The following SESTD1 variants were observed in gnomAD, a reference collection of about 807,000 sequenced individuals.
SESTD1 encodes the protein SEC14 domain and spectrin repeat-containing protein 1.
A neutral mutation model predicts 101.7 loss-of-function variants in SESTD1; 43 were observed. The observed-to-expected ratio is 0.42, with a 90% CI of 0.33 to 0.55. The LOEUF is 0.55. SESTD1 is among the 20% of genes least tolerant of loss of function. The pLI is 0.07. For missense variants in SESTD1, 647 were observed against 815.1 expected (o/e 0.79, Z 2.51); for synonymous variants, 283 against 286.8 (o/e 0.99, Z 0.13).
At chr2:179,182,551 G>A (rs1376547114) in intron 3 of SESTD1, among the ~76,000 whole-genome samples, 1 of 152,008 alleles carries the variant, frequency 6.6e-6, no homozygotes, top group Non-Finnish European at 1.5e-5. Flanking sequence ...TTGAAGTCAT[G>A]GGTAGACTAG....
chr2:179,167,758 A>C (rs1209514972), intron 5 of SESTD1, among the ~76,000 whole-genome samples: 2 of 151,972 alleles, frequency 1.3e-5, no homozygotes, highest in Non-Finnish European at 2.9e-5. Flanking sequence ...ATTTTATTTA[A>C]TTTTTACTTT....
At chr2:179,143,880 G>C in intron 8 of SESTD1, 77 bp from the exon 9 acceptor site, 3 of 1,478,198 alleles carry the variant, frequency 2.0e-6, no homozygotes, top group Non-Finnish European at 2.7e-6. Flanking sequence ...CCCAATTCTA[G>C]TCCCTTGTTT....
chr2:179,155,379 A>C (rs1379158782), intron 5 of SESTD1, among the ~76,000 whole-genome samples: 2 of 152,220 alleles, frequency 1.3e-5, no homozygotes, highest in Non-Finnish European at 2.9e-5. Flanking sequence ...ATATACATTT[A>C]TTCTATGAGT....
At chr2:179,114,094 T>C (rs2044574258) in intron 16 of SESTD1, among the ~76,000 whole-genome samples, 1 of 152,212 alleles carries the variant, frequency 6.6e-6, no homozygotes, top group African/African-American at 2.4e-5. Context: ...GTTAATAGTA[T>C]ACTTCATAAT....
At chr2:179,142,467 C>T (rs755677814) in intron 9 of SESTD1, among the ~76,000 whole-genome samples, 19 of 152,050 alleles carry the variant, frequency 1.2e-4, no homozygotes, top group Non-Finnish European at 2.5e-4. Context: ...ACAGTTCAAG[C>T]GAGGCTCAGG....
intron 12 of SESTD1, among the ~76,000 whole-genome samples, chr2:179,122,455 T>A (rs1575425370): frequency 6.6e-6 from 1 of 152,200 alleles, no homozygotes; most frequent in African/African-American, 2.4e-5. Context: ...TTAGGGTATA[T>A]TTACAATTCT....
At chr2:179,120,334 G>A (rs1050801298) in intron 13 of SESTD1, among the ~76,000 whole-genome samples, 3 of 152,274 alleles carry the variant, frequency 2.0e-5, no homozygotes, top group Admixed American at 2.0e-4. Context: ...GGGGCATCCC[G>A]CAGGCGACAC....
At chr2:179,242,506 A>G (rs1574062044) in intron 1 of SESTD1, among the ~76,000 whole-genome samples, 1 of 152,200 alleles carries the variant, frequency 6.6e-6, no homozygotes, top group Non-Finnish European at 1.5e-5. Context: ...CAAGTACCCA[A>G]AGCAATTCTA....
rs1336805439 is a variant in SESTD1 at position 179,109,145 on chromosome 2, CTTA to C, written c.*751_*753del. On this transcript the variant is annotated 3_prime_UTR_variant, in exon 18 of 18. Coordinates refer to ENST00000428443, the MANE Select transcript of SESTD1 (RefSeq NM_178123.5). Reference sequence around the variant, plus strand: ...CAATAATTTTTCATGATAAAACATGCTTATTTATTATATACACATGCTTACATA... The same window carrying C: ...CAATAATTTTTCATGATAAAACATGCTTTATTATATACACATGCTTACATA... The C allele has an allele frequency of 6.6e-6, 1 of 152,156 alleles. No individual in the cohort carries two copies. The highest frequency in any genetic ancestry group is 2.4e-5 in the African/African-American group (1 of 41,306). The allele number at this position is 152,156 out of a possible 1,614,324, so 9.4% of individuals were successfully genotyped here. A position where few individuals can be genotyped will look rare whatever the true frequency, so the allele number is the denominator to read the frequency against.
intron 2 of SESTD1, among the ~76,000 whole-genome samples, chr2:179,186,974 A>C (rs2046242357): frequency 6.6e-6 from 1 of 152,164 alleles, no homozygotes; most frequent in African/African-American, 2.4e-5. Flanking sequence ...TATTTTCAGC[A>C]TTCTTAAAGA....
intron 9 of SESTD1, among the ~76,000 whole-genome samples, chr2:179,139,502 C>G (rs1372827071): frequency 6.6e-6 from 1 of 152,192 alleles, no homozygotes; most frequent in Admixed American, 6.5e-5. Context: ...CACCTGCTTC[C>G]TCATAGTTGT....
Position 179,107,560 on chromosome 2 carries a change from ATT to A in SESTD1, c.*2337_*2338del, listed in dbSNP as rs1482468810. ...AGATATTGAGTATTGATATTTAGTT[ATT>A]GAGTATAACTAAATATCTAAAGTAG... On this transcript the variant is annotated 3_prime_UTR_variant, in exon 18 of 18. Coordinates refer to ENST00000428443, the MANE Select transcript of SESTD1 (RefSeq NM_178123.5). The A allele has an allele frequency of 2.0e-5, 3 of 152,296 alleles. No homozygotes were observed. Among genetic ancestry groups the A allele is most frequent in the African/African-American group, 7.2e-5 (3 of 41,588 alleles). The allele number at this position is 152,296 out of a possible 1,614,324, so 9.4% of individuals were successfully genotyped here. A position where few individuals can be genotyped will look rare whatever the true frequency, so the allele number is the denominator to read the frequency against.
At chr2:179,129,145 G>A (rs1220872008) in intron 10 of SESTD1, among the ~76,000 whole-genome samples, 1 of 152,194 alleles carries the variant, frequency 6.6e-6, no homozygotes, top group Non-Finnish European at 1.5e-5. Context: ...AGGTAGACCT[G>A]TTCTGCATAA....
At chr2:179,201,956 TAAAG>T (rs1431992757) in intron 1 of SESTD1, among the ~76,000 whole-genome samples, 2 of 110,462 alleles carry the variant, frequency 1.8e-5, no homozygotes, top group Admixed American at 1.9e-4. Context: ...ATAATAATAA[TAAAG>T]AAAGAGGAAT....
Position 179,171,161 on chromosome 2 carries a change from T to G in SESTD1, c.369+959A>C, listed in dbSNP as rs2105473534. The stretch of plus-strand genomic sequence containing the variant: ...GATTTCTTGATTGTGGTTTTATATG[T>G]TTTGTCAGAACTCTCAGAACTACAC... On this transcript the variant is annotated intron_variant, in intron 5 of 17. Transcript: ENST00000428443. 2.6e-5 allele frequency among the ~76,000 whole-genome samples: 4 copies of G among 152,260 alleles called. No homozygotes were observed. In the Middle Eastern group the frequency reaches 0.014, roughly 518 times the overall value.
chr2:179,136,698 A>G (rs2045153689), intron 9 of SESTD1, among the ~76,000 whole-genome samples: 1 of 152,210 alleles, frequency 6.6e-6, no homozygotes, highest in African/African-American at 2.4e-5. Flanking sequence ...AACTTAAGAC[A>G]TCATTAAACA....
chr2:179,229,308 G>C (rs2046939807), intron 1 of SESTD1, among the ~76,000 whole-genome samples: 1 of 152,048 alleles, frequency 6.6e-6, no homozygotes, highest in Non-Finnish European at 1.5e-5. Context: ...CAAAAGGAGG[G>C]AAAAAGGCCG....
At chr2:179,174,821 C>A (rs941107849) in intron 4 of SESTD1, among the ~76,000 whole-genome samples, 2 of 151,964 alleles carry the variant, frequency 1.3e-5, no homozygotes, top group East Asian at 3.9e-4. Context: ...TGGTGGCGCT[C>A]GCCTCCAGTC....
At chr2:179,137,778 C>T (rs1368967135) in intron 9 of SESTD1, among the ~76,000 whole-genome samples, 1 of 152,084 alleles carries the variant, frequency 6.6e-6, no homozygotes, top group African/African-American at 2.4e-5. Context: ...GCATTGTTTT[C>T]AGTGATGAGT....
Sources: gnomAD v4.1 joint callset for allele counts (sites outside exome capture counted in the v4.1 genomes callset) on GRCh38, gnomAD v4.1.1 for gene constraint, MANE v1.5 for transcripts, NCBI Gene and HGNC (gene_info 2026-07-23, HGNC 2026-07-21) for gene names.